The following ABCB4 variants were observed in gnomAD, a reference collection of about 807,000 sequenced individuals.
ABCB4 encodes phosphatidylcholine translocator ABCB4.
In ABCB4, 76 loss-of-function variants were observed where a neutral mutation model predicts 145.7. That is an observed-to-expected ratio of 0.52 (90% CI 0.43 to 0.63). The LOEUF (loss-of-function observed/expected upper bound fraction) is 0.63. Ranked by LOEUF, ABCB4 falls within the 30% of genes least tolerant of loss-of-function variation. ABCB4 has a pLI of 0.00. For missense variants in ABCB4, 1,234 were observed against 1,553.1 expected (o/e 0.79, Z 3.45); for synonymous variants, 517 against 566.8 (o/e 0.91, Z 1.25).
chr7:87,380,152 A>G, the ABCB4 span, among the ~76,000 whole-genome samples: 1 of 88,058 alleles, frequency 1.1e-5, no homozygotes, highest in East Asian at 3.4e-4. Flanking sequence ...TGTACTGTAA[A>G]ATAAAGCTTA....
rs1584754706 is a variant in ABCB4 at position 87,447,134 on chromosome 7, C to A, written c.905G>T (p.Gly302Val). ...KKAISANISMGIAFLLIYASY... is the reference protein window; with the variant it reads ...KKAISANISMVIAFLLIYASY... Reference sequence around the variant, plus strand: ...TGCATATATTAACAGGAAGGCAATACCCATGGAAATGTTTGCTGAAATAGC... The same window carrying A: ...TGCATATATTAACAGGAAGGCAATAACCATGGAAATGTTTGCTGAAATAGC... Residue 302 changes from glycine to valine, a missense_variant, in exon 9 of 28, where the codon GGT (glycine) becomes GTT (valine). Around this residue, in one of 7 missense-constraint regions of ABCB4, gnomAD observed 467 missense variants for 632.8 expected, o/e 0.74. Coordinates refer to ENST00000649586, the MANE Select transcript of ABCB4 (RefSeq NM_000443.4). 6.2e-7 allele frequency: 1 copy of A among 1,613,936 alleles called. No individual in the cohort carries two copies. The highest frequency in any genetic ancestry group is 1.1e-5 in the South Asian group (1 of 91,074).
chr7:87,409,303 G>T lies in ABCB4; in HGVS notation c.3014C>A (p.Ala1005Asp), dbSNP rs1274721881. ...PDYAKAKLSA[A>D]HLFMLFERQP... ...TCTTTCAAACAGCATGAATAAGTGG[G>T]CTGCAGACAGCTTAGCTTTAGCATA... Residue 1005 changes from alanine to aspartate, a missense_variant, in exon 24 of 28, where the codon GCC (alanine) becomes GAC (aspartate). Coordinates refer to ENST00000649586, the MANE Select transcript of ABCB4 (RefSeq NM_000443.4). 14 of 1,614,080 alleles carry T rather than the reference G, an allele frequency of 8.7e-6. No individual in the cohort carries two copies. The highest frequency in any genetic ancestry group is 1.1e-5 in the Non-Finnish European group (13 of 1,180,006).
At chr7:87,411,358 G>T (rs1584683019) in intron 23 of ABCB4, among the ~76,000 whole-genome samples, 2 of 152,086 alleles carry the variant, frequency 1.3e-5, no homozygotes, top group African/African-American at 4.8e-5. Context: ...ATGAAAGAAG[G>T]CATCAAACAG....
At chr7:87,423,553 C>T in intron 17 of ABCB4, 1 of 348,704 alleles carries the variant, frequency 2.9e-6, no homozygotes, top group South Asian at 2.5e-5. Context: ...ATGACTTTAA[C>T]CCCTCCCTGC....
downstream of ABCB4, among the ~76,000 whole-genome samples, chr7:87,397,818 G>A (rs895508778): frequency 6.6e-6 from 1 of 152,150 alleles, no homozygotes; most frequent in Non-Finnish European, 1.5e-5. Flanking sequence ...TTTAAGTGAT[G>A]TGAAAATTGC....
the ABCB4 span, chr7:87,375,688 C>A: frequency 1.2e-6 from 2 of 1,613,520 alleles, no homozygotes; most frequent in South Asian, 2.2e-5. Context: ...CCTGGGATTG[C>A]AGCATTAACT....
intron 12 of ABCB4, among the ~76,000 whole-genome samples, chr7:87,441,675 T>C (rs762008587): frequency 3.0e-4 from 45 of 152,140 alleles, no homozygotes; most frequent in Admixed American, 3.9e-4. Flanking sequence ...AATAGCTCAC[T>C]GCAGCCTTGA....
At chr7:87,445,022 C>A in intron 9 of ABCB4, 47 bp from the exon 10 acceptor site, 1 of 1,232,092 alleles carries the variant, frequency 8.1e-7, no homozygotes. Context: ...TTCTGGCATT[C>A]ATTATTATCT....
intron 10 of ABCB4, among the ~76,000 whole-genome samples, chr7:87,444,380 T>G (rs1298113621): frequency 6.6e-6 from 1 of 152,242 alleles, no homozygotes. Context: ...TCAAAACTTT[T>G]TCTTTTTCAC....
At chr7:87,443,231 C>G in intron 12 of ABCB4, 88 bp downstream of exon 12, 2 of 1,557,146 alleles carry the variant, frequency 1.3e-6, no homozygotes, top group Non-Finnish European at 1.8e-6. Context: ...ACTGGATTCA[C>G]ACGCAAATTT....
chr7:87,446,942 T>A, intron 9 of ABCB4, 92 bp downstream of exon 9: 2 of 1,225,832 alleles, frequency 1.6e-6, no homozygotes, highest in Non-Finnish European at 2.3e-6. Flanking sequence ...ATCATGTTCA[T>A]CTTTCAAAAA....
chr7:87,368,302 A>T, the ABCB4 span, among the ~76,000 whole-genome samples: 1 of 152,092 alleles, frequency 6.6e-6, no homozygotes, highest in Non-Finnish European at 1.5e-5. Context: ...CCATTTATTG[A>T]TTAATTTGGC....
At chr7:87,434,730 G>A (rs973833285) in intron 14 of ABCB4, among the ~76,000 whole-genome samples, 1 of 151,326 alleles carries the variant, frequency 6.6e-6, no homozygotes, top group African/African-American at 2.4e-5. Flanking sequence ...CCTGGAGACA[G>A]AGCGAGACTC....
intron 18 of ABCB4, among the ~76,000 whole-genome samples, chr7:87,421,557 T>C (rs1809436219): frequency 6.6e-6 from 1 of 152,230 alleles, no homozygotes; most frequent in African/African-American, 2.4e-5. Context: ...GGAAACACTA[T>C]TTTGCTGACT....
chr7:87,375,876 G>GA, the ABCB4 span: 3 of 1,613,374 alleles, frequency 1.9e-6, no homozygotes, highest in Non-Finnish European at 2.5e-6. Context: ...GGCTTTGTTA[G>GA]AAAAAATTCA....
At chr7:87,466,605 G>A (rs1025823921) in intron 3 of ABCB4, among the ~76,000 whole-genome samples, 2 of 152,172 alleles carry the variant, frequency 1.3e-5, no homozygotes, top group East Asian at 1.9e-4. Flanking sequence ...TGTCAGATTC[G>A]CCAAAGTTGA....
rs45625435 is a variant in ABCB4 at position 87,462,453 on chromosome 7, T to C, written c.286+305A>G. ...AATTACTAATGGGATGGATACTGCATAGAGATACTCTCATTACATTTCCAC... is the reference window on the plus strand; with the variant it reads ...AATTACTAATGGGATGGATACTGCACAGAGATACTCTCATTACATTTCCAC... On this transcript the variant is annotated intron_variant, in intron 4 of 27. Transcript: ENST00000649586. Among the ~76,000 whole-genome samples, 791 of 152,342 alleles carry C rather than the reference T, an allele frequency of 5.2e-3. 38 individuals carry two copies. Among genetic ancestry groups the C allele is most frequent in the Admixed American group, 0.049 (752 of 15,296 alleles).
At chr7:87,377,752 G>A in the ABCB4 span, among the ~76,000 whole-genome samples, 1 of 151,992 alleles carries the variant, frequency 6.6e-6, no homozygotes, top group Non-Finnish European at 1.5e-5. Context: ...ATTTCAAAAG[G>A]TATTATATGG....
chr7:87,412,825 C>CT (rs1808715201), intron 22 of ABCB4, among the ~76,000 whole-genome samples: 1 of 152,144 alleles, frequency 6.6e-6, no homozygotes, highest in Non-Finnish European at 1.5e-5. Context: ...TTCCTTAACC[C>CT]TCCTTGAAGT....
Sources: gnomAD v4.1 joint callset for allele counts (sites outside exome capture counted in the v4.1 genomes callset) on GRCh38, gnomAD v4.1.1 for gene constraint, gnomAD v4.1.1 regional missense constraint, MANE v1.5 for transcripts, NCBI Gene and HGNC (gene_info 2026-07-23, HGNC 2026-07-21) for gene names.